Variants in CNGB3 observed in about 807,000 individuals in gnomAD.
The protein encoded by CNGB3 is cyclic nucleotide-gated channel beta-3.
In CNGB3, 86 loss-of-function variants were observed where a neutral mutation model predicts 92.8. That is an observed-to-expected ratio of 0.93 (90% CI 0.78 to 1.11). The LOEUF (loss-of-function observed/expected upper bound fraction) is 1.11. CNGB3 is among the 50% of genes least tolerant of loss of function. The pLI, the probability that CNGB3 is intolerant of heterozygous loss-of-function variation, is 0.00. For missense variants in CNGB3, 1,026 were observed against 956.8 expected (o/e 1.07, Z -0.95); for synonymous variants, 333 against 332.7 (o/e 1.00, Z -0.01).
chr8:86,706,903 C>T, intron 3 of CNGB3, among the ~76,000 whole-genome samples: 1 of 152,126 alleles, frequency 6.6e-6, no homozygotes, highest in East Asian at 1.9e-4. Context: ...CTTAAAAGTA[C>T]ATTAAATTGT....
At chr8:86,654,357 C>T (rs145953350) in intron 6 of CNGB3, among the ~76,000 whole-genome samples, 1 of 152,278 alleles carries the variant, frequency 6.6e-6, no homozygotes, top group Non-Finnish European at 1.5e-5. Context: ...TTGGCTTCTT[C>T]CTGCTTCTCT....
chr8:86,618,814 A>G (rs1362551721), intron 13 of CNGB3, among the ~76,000 whole-genome samples: 1 of 152,246 alleles, frequency 6.6e-6, no homozygotes, highest in African/African-American at 2.4e-5. Context: ...ATGTGATGAC[A>G]TATCAGATAA....
At chr8:86,642,351 T>C (rs1823205936) in intron 10 of CNGB3, among the ~76,000 whole-genome samples, 2 of 151,888 alleles carry the variant, frequency 1.3e-5, no homozygotes, top group South Asian at 4.1e-4. Context: ...TATATCAAAG[T>C]AAATAATTCA....
rs1823585278 is a variant in CNGB3, at chr8:86,659,350, C to T, written c.853-5288G>A. The T allele has an allele frequency of 4.5e-6, 5 of 1,100,498 alleles. No individual in the cohort carries two copies. The South Asian group carries it at 6.2e-5, about 14-fold the overall frequency. The allele number at this position is 1,100,498 out of a possible 1,614,324, so 68.2% of individuals were successfully genotyped here. On this transcript the variant is annotated intron_variant, in intron 6 of 17. Transcript: ENST00000320005. ...ATGGCCTGCTGTAACTGCTGGTTAG[C>T]ATCAGGGGGTTCACACTGGCTTGAG...
chr8:86,640,125 C>G (rs1787269218), intron 10 of CNGB3, among the ~76,000 whole-genome samples: 1 of 151,966 alleles, frequency 6.6e-6, no homozygotes, highest in Admixed American at 6.6e-5. Flanking sequence ...GGTTACTTGA[C>G]CTGTCAATAA....
At position 86,643,778 on chromosome 8, in the gene CNGB3, C is replaced by T. The variant is rs1032535600; in HGVS notation, c.1151G>A (p.Arg384Lys). 2 of 1,605,744 alleles carry T rather than the reference C, an allele frequency of 1.2e-6. No homozygotes were observed. The highest frequency in any genetic ancestry group is 2.7e-5 in the African/African-American group (2 of 73,648). ...ASNYEGIGTT[R>K]WVYDGEGNEY... ...GTTTCCTTCCCCATCATACACCCAT[C>T]TAGTAGTGCCAATTCCTTCATAGTT... Residue 384 changes from arginine (R) to lysine (K), a missense_variant, in exon 10 of 18, where the codon AGA becomes AAA. Coordinates refer to ENST00000320005, the MANE Select transcript of CNGB3 (RefSeq NM_019098.5).
intron 8 of CNGB3, among the ~76,000 whole-genome samples, chr8:86,645,737 C>T (rs1823282728): frequency 6.6e-6 from 1 of 151,358 alleles, no homozygotes; most frequent in South Asian, 2.1e-4. Flanking sequence ...ACTTCTTAAA[C>T]ACTCAGATTA....
chr8:86,683,987 A>G (rs980464158), intron 3 of CNGB3, among the ~76,000 whole-genome samples: 14 of 152,174 alleles, frequency 9.2e-5, no homozygotes, highest in Non-Finnish European at 1.5e-5. Context: ...ATCAGATTGC[A>G]CTTGATCAAA....
At chr8:86,683,213 G>T (rs1164776842) in intron 3 of CNGB3, among the ~76,000 whole-genome samples, 1 of 152,144 alleles carries the variant, frequency 6.6e-6, no homozygotes, top group East Asian at 1.9e-4. Flanking sequence ...AAATAAAGGA[G>T]AGTGCAGTGC....
chr8:86,618,583 A>G (rs1822662961), intron 13 of CNGB3, among the ~76,000 whole-genome samples: 1 of 152,194 alleles, frequency 6.6e-6, no homozygotes, highest in African/African-American at 2.4e-5. Context: ...GTAGCCCTCC[A>G]TGTCTGGCTC....
At chr8:86,688,508 AG>A (rs1824232996) in intron 3 of CNGB3, among the ~76,000 whole-genome samples, 1 of 152,068 alleles carries the variant, frequency 6.6e-6, no homozygotes, top group Non-Finnish European at 1.5e-5. Flanking sequence ...AGTAGGAAAC[AG>A]AATACCACAG....
intron 13 of CNGB3, among the ~76,000 whole-genome samples, chr8:86,614,992 A>T (rs147971085): frequency 9.2e-5 from 14 of 152,336 alleles, no homozygotes; most frequent in Non-Finnish European, 2.1e-4. Context: ...GATGGAGAAT[A>T]TTCAGAAAAA....
intron 15 of CNGB3, among the ~76,000 whole-genome samples, chr8:86,591,181 T>G (rs972132804): frequency 1.4e-5 from 2 of 147,616 alleles, no homozygotes; most frequent in Non-Finnish European, 3.0e-5. Flanking sequence ...GCCTTGGTTT[T>G]CAGCTCCATC....
At chr8:86,713,895 A>G (rs1382299626) in intron 3 of CNGB3, among the ~76,000 whole-genome samples, 1 of 152,168 alleles carries the variant, frequency 6.6e-6, no homozygotes, top group Admixed American at 6.5e-5. Context: ...TCACAGCAAA[A>G]TTAAGTTGAA....
At chr8:86,592,365 C>G (rs74666488) in intron 15 of CNGB3, among the ~76,000 whole-genome samples, 4,362 of 152,300 alleles carry the variant, frequency 0.029, 118 homozygotes, top group East Asian at 0.07. Context: ...TGGCTCCTCC[C>G]CAATAGATAA....
chr8:86,688,899 T>C (rs1471020137), intron 3 of CNGB3, among the ~76,000 whole-genome samples: 1 of 152,042 alleles, frequency 6.6e-6, no homozygotes, highest in African/African-American at 2.4e-5. Context: ...TACTTGAAGT[T>C]TTTCTACTTT....
chr8:86,671,271 C>G (rs1249714561), intron 3 of CNGB3, among the ~76,000 whole-genome samples, 173 bp from the exon 4 acceptor site: 1 of 152,144 alleles, frequency 6.6e-6, no homozygotes, highest in Non-Finnish European at 1.5e-5. Context: ...TGGTGGAATA[C>G]AGATTTGTTA....
At chr8:86,616,943 T>TAATGTATA (rs1822633147) in intron 13 of CNGB3, among the ~76,000 whole-genome samples, 2 of 152,202 alleles carry the variant, frequency 1.3e-5, no homozygotes. Context: ...CACTCTTGTA[T>TAATGTATA]CCTTAGTGTC....
Position 86,670,979 on chromosome 8 carries a change from C to T in CNGB3, c.458G>A (p.Gly153Glu). Residue 153 changes from glycine (G) to glutamate (E), a missense_variant, in exon 4 of 18, where the codon GGA becomes GAA. Physicochemically the swap from Gly to Glu is moderately conservative, Grantham distance 98. Coordinates refer to ENST00000320005, the MANE Select transcript of CNGB3 (RefSeq NM_019098.5). ...TALYKKKLVE[G>E]DLSSPEASPQ... ...GCTGGCTTCGGGTGAGGAGAGATCT[C>T]CCTCTACCAACTTTTTCTTGTAGAG... The T allele has an allele frequency of 6.2e-7, 1 of 1,612,824 alleles. No individual in the cohort carries two copies. The highest frequency in any genetic ancestry group is 8.5e-7 in the Non-Finnish European group (1 of 1,180,004).
Sources: gnomAD v4.1 joint callset for allele counts (sites outside exome capture counted in the v4.1 genomes callset) on GRCh38, gnomAD v4.1.1 for gene constraint, MANE v1.5 for transcripts, NCBI Gene and HGNC (gene_info 2026-07-23, HGNC 2026-07-21) for gene names.